STPG4: variants seen among roughly 807,000 people sequenced by gnomAD.
STPG4 encodes the protein protein STPG4.
STPG4 carries 41 observed loss-of-function variants against 31.5 expected under a neutral mutation model. That is an observed-to-expected ratio of 1.30 (90% CI 1.01 to 1.69). The LOEUF (loss-of-function observed/expected upper bound fraction) is 1.69, where lower values mean the gene tolerates loss of function less well. Ranked by LOEUF, STPG4 falls within the 40% of genes most tolerant of loss-of-function variation. The pLI, the probability that STPG4 is intolerant of heterozygous loss-of-function variation, is 0.00. For missense variants in STPG4, 375 were observed against 293.4 expected, an observed-to-expected ratio of 1.28 and a Z score of -2.03; for synonymous variants, 141 against 103.0, an observed-to-expected ratio of 1.37 and a Z score of -2.24.
At chr2:47,109,791 T>G (rs1196678292) in intron 5 of STPG4, among the ~76,000 whole-genome samples, 1 of 152,176 alleles carries the variant, frequency 6.6e-6, no homozygotes, top group Non-Finnish European at 1.5e-5. Context: ...AACTATCAGC[T>G]TAGTTTTTAA....
At chr2:47,120,110 C>T (rs2103766745) in intron 5 of STPG4, among the ~76,000 whole-genome samples, 1 of 152,248 alleles carries the variant, frequency 6.6e-6, no homozygotes, top group East Asian at 1.9e-4. Context: ...GTGGGTGGAT[C>T]ACTTAAGGTC....
chr2:47,105,517 G>A (rs1363191407), intron 5 of STPG4, among the ~76,000 whole-genome samples: 1 of 152,028 alleles, frequency 6.6e-6, no homozygotes, highest in Non-Finnish European at 1.5e-5. Context: ...TCTCCCAGAG[G>A]ATGGGGAACC....
chr2:47,115,171 A>G (rs74962577), intron 5 of STPG4, among the ~76,000 whole-genome samples: 4,007 of 151,698 alleles, frequency 0.026, 187 homozygotes, highest in African/African-American at 0.092. Flanking sequence ...ATTTTTCCCC[A>G]TCATATCAGC....
chr2:47,096,556 T>C (rs1038849597), intron 5 of STPG4, among the ~76,000 whole-genome samples: 2 of 152,244 alleles, frequency 1.3e-5, no homozygotes, highest in African/African-American at 4.8e-5. Context: ...GATATCTTCA[T>C]CTGTGTGCAA....
intron 5 of STPG4, among the ~76,000 whole-genome samples, chr2:47,091,158 G>GA (rs1685562647): frequency 6.9e-6 from 1 of 145,620 alleles, no homozygotes; most frequent in Non-Finnish European, 1.5e-5. Context: ...GGAAGGGAGG[G>GA]AGGGAGGGAG....
chr2:47,088,858 T>A (rs1194168135), intron 6 of STPG4, among the ~76,000 whole-genome samples: 1 of 152,140 alleles, frequency 6.6e-6, no homozygotes, highest in Non-Finnish European at 1.5e-5. Flanking sequence ...TTATTGCTAT[T>A]AATGAGGGTT....
At chr2:47,153,589 C>A (rs1686976531) in intron 1 of STPG4, among the ~76,000 whole-genome samples, 1 of 152,166 alleles carries the variant, frequency 6.6e-6, no homozygotes, top group South Asian at 2.1e-4. Flanking sequence ...CCTATCTGTA[C>A]TAAAAATACA....
At chr2:47,100,724 T>G (rs1401272439) in intron 5 of STPG4, among the ~76,000 whole-genome samples, 2 of 151,354 alleles carry the variant, frequency 1.3e-5, no homozygotes, top group Non-Finnish European at 2.9e-5. Flanking sequence ...AGCGAGACCA[T>G]GAGCCCACTG....
At chr2:47,139,819 T>C (rs1454588213) in intron 3 of STPG4, among the ~76,000 whole-genome samples, 1 of 152,088 alleles carries the variant, frequency 6.6e-6, no homozygotes, top group Non-Finnish European at 1.5e-5. Flanking sequence ...AGTATATCTT[T>C]CTCCACCCAT....
intron 5 of STPG4, among the ~76,000 whole-genome samples, chr2:47,116,733 T>C (rs1189328143): frequency 6.6e-6 from 1 of 152,208 alleles, no homozygotes; most frequent in Non-Finnish European, 1.5e-5. Flanking sequence ...AATGCCTTAG[T>C]ATGAACTTGA....
chr2:47,139,973 A>G (rs1686671222), intron 3 of STPG4, among the ~76,000 whole-genome samples: 1 of 151,950 alleles, frequency 6.6e-6, no homozygotes, highest in African/African-American at 2.4e-5. Context: ...ATGGGGTTTC[A>G]TTCTGTTGGC....
intron 5 of STPG4, among the ~76,000 whole-genome samples, chr2:47,124,661 T>G (rs1321177208): frequency 6.6e-6 from 1 of 152,242 alleles, no homozygotes; most frequent in African/African-American, 2.4e-5. Context: ...ACATTTTCTT[T>G]ATCCATTCAT....
At chr2:47,139,581 A>T (rs1686664365) in intron 3 of STPG4, among the ~76,000 whole-genome samples, 1 of 151,946 alleles carries the variant, frequency 6.6e-6, no homozygotes, top group South Asian at 2.1e-4. Flanking sequence ...ATTCCATCTC[A>T]TGGAAAGGAT....
chr2:47,136,602 T>C (rs956351352), intron 3 of STPG4, among the ~76,000 whole-genome samples: 1 of 152,242 alleles, frequency 6.6e-6, no homozygotes, highest in African/African-American at 2.4e-5. Context: ...AGTAATATTT[T>C]ATTTTATAAT....
intron 3 of STPG4, among the ~76,000 whole-genome samples, chr2:47,133,816 ATC>A (rs936763905): frequency 2.0e-5 from 3 of 151,914 alleles, no homozygotes; most frequent in Non-Finnish European, 4.4e-5. Flanking sequence ...ACCTCAGGTG[ATC>A]CACCCGCTTT....
chr2:47,093,120 C>T (rs2103727296), intron 5 of STPG4, among the ~76,000 whole-genome samples: 1 of 152,322 alleles, frequency 6.6e-6, no homozygotes, highest in Admixed American at 6.5e-5. Flanking sequence ...AAGGCTTTCC[C>T]ATTCTCTCTG....
chr2:47,109,451 G>A (rs1685993506), intron 5 of STPG4, among the ~76,000 whole-genome samples: 1 of 151,962 alleles, frequency 6.6e-6, no homozygotes, highest in African/African-American at 2.4e-5. Flanking sequence ...CAGCTACTGG[G>A]GAAGCTGAGG....
intron 2 of STPG4, 28 bp from the exon 3 acceptor site, chr2:47,151,543 A>G (rs755484787): frequency 6.2e-7 from 1 of 1,605,434 alleles, no homozygotes; most frequent in South Asian, 1.1e-5. Flanking sequence ...CAGTTTTAAG[A>G]TTGTGTAAAC....
At chr2:47,112,146 C>T (rs905419453) in intron 5 of STPG4, among the ~76,000 whole-genome samples, 2 of 151,964 alleles carry the variant, frequency 1.3e-5, no homozygotes, top group Non-Finnish European at 1.5e-5. Flanking sequence ...ATAGGTTAAC[C>T]TTTGAGATTT....
Sources: allele counts gnomAD v4.1 joint callset (sites outside exome capture counted in the v4.1 genomes callset), GRCh38; gene constraint gnomAD v4.1.1; transcripts MANE v1.5; gene names NCBI Gene and HGNC (gene_info 2026-07-23, HGNC 2026-07-21).